TTK: variants seen among roughly 807,000 people sequenced by gnomAD.
TTK encodes the protein dual specificity protein kinase TTK.
Under a neutral mutation model 117.3 loss-of-function variants are expected in TTK, and 59 were observed. That is an observed-to-expected ratio of 0.50 (90% CI 0.41 to 0.62). TTK has a LOEUF of 0.62. Among genes scored for constraint, TTK ranks in the 20% least tolerant of loss-of-function variants. The pLI is 0.00. For missense variants in TTK, 921 were observed against 989.4 expected (o/e 0.93, Z 0.93); for synonymous variants, 302 against 325.0 (o/e 0.93, Z 0.76).
Position 80,042,352 on chromosome 6 carries a change from CTG to C in TTK, c.*152_*153del, listed in dbSNP as rs1284757700. 1.3e-5 allele frequency: 7 copies of C among 536,290 alleles called. No homozygotes were observed. The highest frequency in any genetic ancestry group is 1.0e-4 in the Admixed American group (3 of 29,398). The allele number at this position is 536,290 out of a possible 1,614,324, so 33.2% of individuals were successfully genotyped here. A position where few individuals can be genotyped will look rare whatever the true frequency, so the allele number is the denominator to read the frequency against. The stretch of plus-strand genomic sequence containing the variant: ...TCAGTAGATTATCTTTAAAAGAAAA[CTG>C]TAAAAATAGCAACCACTTATGGCAC... On this transcript the variant is annotated 3_prime_UTR_variant, in exon 22 of 22. Transcript: ENST00000369798.
rs536116220 is a variant in TTK at position 80,011,056 on chromosome 6, G to A, written c.613+99G>A. ...AGAAAAATATTATTTATGTAGAATGGTTAAAATCTAAGATTAAATTGTAAA... is the reference window on the plus strand; with the variant it reads ...AGAAAAATATTATTTATGTAGAATGATTAAAATCTAAGATTAAATTGTAAA... On this transcript the variant is annotated intron_variant, in intron 5 of 21. Coordinates refer to ENST00000369798, the MANE Select transcript of TTK (RefSeq NM_003318.5). The A allele has an allele frequency of 2.0e-4, 257 of 1,312,390 alleles. No individual in the cohort carries two copies. In the African/African-American group the frequency reaches 3.7e-3, roughly 19 times the overall value. 81.3% of individuals were successfully genotyped at this position (1,312,390 alleles called of 1,614,324 possible).
chr6:80,019,658 CTTAGAG>C (rs1767405410), intron 10 of TTK, among the ~76,000 whole-genome samples: 2 of 152,150 alleles, frequency 1.3e-5, no homozygotes, highest in Admixed American at 6.5e-5. Context: ...AAGTAAGAAT[CTTAGAG>C]TTAAATATAT....
chr6:80,018,446 T>A (rs1180017782), intron 10 of TTK, among the ~76,000 whole-genome samples: 6 of 136,584 alleles, frequency 4.4e-5, no homozygotes, highest in African/African-American at 1.7e-4. Flanking sequence ...TGAAACCCCA[T>A]CTCTGCTAAA....
chr6:80,032,170 A>G (rs1767776098), intron 14 of TTK, among the ~76,000 whole-genome samples: 2 of 152,188 alleles, frequency 1.3e-5, no homozygotes, highest in Admixed American at 1.3e-4. Flanking sequence ...AATAACTGTA[A>G]TCAAGAACAC....
chr6:80,011,817 T>C lies in TTK; in HGVS notation c.801+16T>C. 1.9e-6 allele frequency: 3 copies of C among 1,612,580 alleles called. No homozygotes were observed. Among genetic ancestry groups the C allele is most frequent in the Non-Finnish European group, 2.5e-6 (3 of 1,179,088 alleles). ...AACTAAACAGGTAAGTTACTTTCAA[T>C]CTGCTTGATTAAGGTGGTGATAGTC... On this transcript the variant is annotated intron_variant, in intron 7 of 21. Transcript: ENST00000369798.
At chr6:80,005,287 C>G (rs962644080) in intron 1 of TTK, among the ~76,000 whole-genome samples, 8 of 152,134 alleles carry the variant, frequency 5.3e-5, no homozygotes, top group African/African-American at 1.9e-4. Context: ...ACAATAGTTT[C>G]TTAGTGTTAG....
At position 80,011,775 on chromosome 6, in the gene TTK, T is replaced by C. The variant is rs201200600; in HGVS notation, c.775T>C (p.Leu259=). 9 of 1,612,816 alleles carry C rather than the reference T, an allele frequency of 5.6e-6. No individual in the cohort carries two copies. The highest frequency in any genetic ancestry group is 2.2e-5 in the East Asian group (1 of 44,780). The change falls in exon 7 of 22, where the codon TTG becomes CTG. Residue 259 remains leucine, a synonymous_variant. Transcript: ENST00000369798. ...QDAEIGYRNS[L]RQTNKTKQSC... is the part of the protein sequence containing the mutation. ...TGCAGAAATAGGTTACCGGAATTCA[T>C]TGAGACAAACTAACAAAACTAAACA...
At chr6:80,024,239 A>G (rs1767545191) in intron 11 of TTK, among the ~76,000 whole-genome samples, 1 of 152,236 alleles carries the variant, frequency 6.6e-6, no homozygotes, top group Admixed American at 6.5e-5. Context: ...ATATGATCCA[A>G]TAATTCCACT....
chr6:80,030,699 C>T (rs1767734303), intron 13 of TTK, among the ~76,000 whole-genome samples: 1 of 152,196 alleles, frequency 6.6e-6, no homozygotes, highest in East Asian at 1.9e-4. Context: ...AGGAAATCTA[C>T]CCCCATGATT....
intron 16 of TTK, among the ~76,000 whole-genome samples, chr6:80,036,169 G>T (rs541923296): frequency 2.5e-4 from 38 of 152,182 alleles, no homozygotes; most frequent in South Asian, 2.1e-3. Flanking sequence ...CACTTAGGCT[G>T]TGTGACCTTG....
chr6:80,022,189 C>CT, intron 10 of TTK, 135 bp from the exon 11 acceptor site: 2 of 972,514 alleles, frequency 2.1e-6, no homozygotes, highest in South Asian at 4.6e-5. Context: ...TGGCTTAAAG[C>CT]TTTTAGTTTC....
At chr6:80,026,293 T>C in intron 11 of TTK, 85 bp from the exon 12 acceptor site, 1 of 1,376,194 alleles carries the variant, frequency 7.3e-7, no homozygotes, top group Non-Finnish European at 9.8e-7. Flanking sequence ...TATTATTTTA[T>C]TTTAAAAGTT....
At chr6:80,021,460 C>T (rs901080099) in intron 10 of TTK, among the ~76,000 whole-genome samples, 1 of 152,168 alleles carries the variant, frequency 6.6e-6, no homozygotes, top group African/African-American at 2.4e-5. Flanking sequence ...GACTCAAGTC[C>T]GGCTCTTCAC....
chr6:80,037,889 A>G, intron 17 of TTK, 78 bp from the exon 18 acceptor site: 1 of 568,546 alleles, frequency 1.8e-6, no homozygotes, highest in Non-Finnish European at 2.7e-6. Flanking sequence ...TAATAATAAT[A>G]ATAATAATCT....
At chr6:80,017,852 A>G (rs1038864947) in intron 10 of TTK, among the ~76,000 whole-genome samples, 2 of 152,172 alleles carry the variant, frequency 1.3e-5, no homozygotes, top group Admixed American at 1.3e-4. Flanking sequence ...AAGTAATGAG[A>G]TAATTATTTT....
rs148141113 is a variant in TTK, at chr6:80,039,897, T to A, written c.2307+25T>A. 360 of 1,437,224 alleles carry A rather than the reference T, an allele frequency of 2.5e-4. 2 individuals are homozygous for A. In the African/African-American group the frequency reaches 4.9e-3, roughly 20 times the overall value. 89.0% of individuals were successfully genotyped at this position (1,437,224 alleles called of 1,614,324 possible). On this transcript the variant is annotated intron_variant, in intron 19 of 21. Coordinates refer to ENST00000369798, the MANE Select transcript of TTK (RefSeq NM_003318.5). ...GGTAATATTAATTTCATGTAACTAA[T>A]TATTTACTTAAAAGAAATAGTTGAA...
intron 15 of TTK, 57 bp from the exon 16 acceptor site, chr6:80,035,209 A>C: frequency 6.5e-6 from 10 of 1,535,092 alleles, no homozygotes; most frequent in Non-Finnish European, 7.8e-6. Flanking sequence ...ATATTTAGTA[A>C]ACTTTAATAT....
At chr6:80,034,293 T>A (rs1253869980) in intron 14 of TTK, among the ~76,000 whole-genome samples, 1 of 152,096 alleles carries the variant, frequency 6.6e-6, no homozygotes. Flanking sequence ...CCCATAAAAC[T>A]AACAAATCAC....
At position 80,019,798 on chromosome 6, in the gene TTK, T is replaced by C. The variant is rs564701738; in HGVS notation, c.1109-2526T>C. Among the ~76,000 whole-genome samples, 3 of 152,336 alleles carry C rather than the reference T, an allele frequency of 2.0e-5. No individual in the cohort carries two copies. The East Asian group carries it at 5.8e-4, about 29-fold the overall frequency. ...GTTTTTGACTGTGTTTATAGTCTTATAACCTTGATGTCAAACCCTGACATC... is the reference window on the plus strand; with the variant it reads ...GTTTTTGACTGTGTTTATAGTCTTACAACCTTGATGTCAAACCCTGACATC... On this transcript the variant is annotated intron_variant, in intron 10 of 21. Transcript: ENST00000369798.
Sources: gnomAD v4.1 joint callset for allele counts (sites outside exome capture counted in the v4.1 genomes callset) on GRCh38, gnomAD v4.1.1 for gene constraint, MANE v1.5 for transcripts, NCBI Gene and HGNC (gene_info 2026-07-23, HGNC 2026-07-21) for gene names.